The following CA5B variants were observed in gnomAD, a reference collection of about 807,000 sequenced individuals.
CA5B encodes carbonic anhydrase 5B, mitochondrial.
In CA5B, 15 loss-of-function variants were observed where a neutral mutation model predicts 23.1. The ratio of observed to expected loss-of-function variants is 0.65; its 90% CI spans 0.43 to 1.00. The LOEUF (loss-of-function observed/expected upper bound fraction) is 1.00, where lower values mean the gene tolerates loss of function less well. CA5B is among the 50% of genes least tolerant of loss of function. CA5B has a pLI of 0.00. For missense variants in CA5B, 236 were observed against 252.2 expected, an observed-to-expected ratio of 0.94 and a Z score of 0.43; for synonymous variants, 84 against 98.5, an observed-to-expected ratio of 0.85 and a Z score of 0.87.
intron 3 of CA5B, among the ~76,000 whole-genome samples, chrX:15,769,257 A>G (rs1363921185): frequency 1.8e-5 from 2 of 111,887 alleles, no homozygotes; most frequent in Non-Finnish European, 3.8e-5. Flanking sequence ...AGAGAGGACA[A>G]CATGACCTAC....
chrX:15,743,267 G>A (rs1038705917), intron 1 of CA5B, among the ~76,000 whole-genome samples: 9 of 112,139 alleles, frequency 8.0e-5, no homozygotes, highest in African/African-American at 2.9e-4. Flanking sequence ...TCTTCTCAGC[G>A]AGGCCTCCTG....
At chrX:15,753,235 C>G (rs751161034) in intron 2 of CA5B, among the ~76,000 whole-genome samples, 3 of 112,547 alleles carry the variant, frequency 2.7e-5, no homozygotes, top group African/African-American at 9.7e-5. Flanking sequence ...TTCGACAACA[C>G]TTGGTTTGGC....
chrX:15,740,296 T>C (rs1266024110), intron 1 of CA5B, among the ~76,000 whole-genome samples: 2 of 112,467 alleles, frequency 1.8e-5, no homozygotes, highest in Non-Finnish European at 3.8e-5. Flanking sequence ...ATGGTATTAG[T>C]TGATATGTGC....
At chrX:15,775,626 G>T (rs5936048) in intron 6 of CA5B, 279,527 of 794,873 alleles carry the variant, frequency 0.35, 35,000 homozygotes, top group Admixed American at 0.44. Context: ...TTCTGTAGCT[G>T]CCATCCCACA....
chrX:15,767,687 C>T (rs1384755027), intron 3 of CA5B, among the ~76,000 whole-genome samples: 1 of 109,988 alleles, frequency 9.1e-6, no homozygotes, highest in Admixed American at 9.8e-5. Flanking sequence ...CTCCCGGGCT[C>T]AAGTGATTCT....
intron 2 of CA5B, chrX:15,763,103 A>G (rs138071525): frequency 0.022 from 4,396 of 200,038 alleles, 194 homozygotes; most frequent in African/African-American, 0.12. Flanking sequence ...TGTTCTACCC[A>G]GGTTTTGCAG....
chrX:15,768,560 A>G (rs1336791680), intron 3 of CA5B: 3 of 111,612 alleles, frequency 2.7e-5, no homozygotes, highest in African/African-American at 9.8e-5. Context: ...ATGCTTTAAT[A>G]ATTATTTTCT....
intron 3 of CA5B, chrX:15,769,543 TTCCTGCTCCA>T (rs1931778643): frequency 6.7e-6 from 5 of 751,166 alleles, no homozygotes; most frequent in Non-Finnish European, 7.8e-6. Context: ...CTCAGGGTGC[TTCCTGCTCCA>T]TCCTGCTTCC....
rs1932120229 is a variant in CA5B at position 15,786,480 on chromosome X, C to T, written c.*3816C>T. 1 of 110,474 alleles carries T rather than the reference C, an allele frequency of 9.1e-6. No homozygotes were observed. Among genetic ancestry groups the T allele is most frequent in the Non-Finnish European group, 1.9e-5 (1 of 52,892 alleles). 9.1% of individuals were successfully genotyped at this position (110,474 alleles called of 1,213,427 possible). Reference sequence around the variant, plus strand: ...AACAAGAAGCTTGTGTTTTTTATGCCCTCAAAAGTGTTTTACTTATACTTT... The same window carrying T: ...AACAAGAAGCTTGTGTTTTTTATGCTCTCAAAAGTGTTTTACTTATACTTT... On this transcript the variant is annotated 3_prime_UTR_variant, in exon 8 of 8. Coordinates refer to ENST00000318636, the MANE Select transcript of CA5B (RefSeq NM_007220.4).
At chrX:15,780,081 C>T (rs4240158) in intron 7 of CA5B, among the ~76,000 whole-genome samples, 29,487 of 110,616 alleles carry the variant, frequency 0.27, 3,489 homozygotes, top group East Asian at 0.42. Flanking sequence ...TACCTGTCAT[C>T]TATAATATTA....
chrX:15,772,672 C>A (rs1931844442), intron 4 of CA5B, 58 bp downstream of exon 4: 4 of 658,268 alleles, frequency 6.1e-6, no homozygotes, highest in African/African-American at 2.2e-5. Flanking sequence ...TAATTCTGAA[C>A]TTTTAGTTGT....
intron 1 of CA5B, among the ~76,000 whole-genome samples, chrX:15,748,044 C>G (rs2147254347): frequency 9.0e-6 from 1 of 111,673 alleles, no homozygotes; most frequent in East Asian, 2.8e-4. Context: ...ATAGGGGCCA[C>G]AGATTGGTTC....
At chrX:15,765,613 T>A (rs1227282035) in intron 3 of CA5B, among the ~76,000 whole-genome samples, 1 of 110,210 alleles carries the variant, frequency 9.1e-6, no homozygotes, top group Non-Finnish European at 1.9e-5. Flanking sequence ...CTGCCAACTT[T>A]CCCCCATACC....
chrX:15,755,625 C>T (rs917467704), intron 2 of CA5B, among the ~76,000 whole-genome samples: 1 of 112,180 alleles, frequency 8.9e-6, no homozygotes, highest in Non-Finnish European at 1.9e-5. Context: ...CAAATATGAG[C>T]CGTATGGGTC....
At chrX:15,747,156 G>A (rs781158873) in intron 1 of CA5B, among the ~76,000 whole-genome samples, 18 of 111,902 alleles carry the variant, frequency 1.6e-4, no homozygotes, top group Admixed American at 2.9e-4. Context: ...ACAGCCTAAA[G>A]GTTAGAAGCA....
intron 2 of CA5B, among the ~76,000 whole-genome samples, chrX:15,753,273 G>T (rs1393309379): frequency 9.8e-5 from 11 of 112,567 alleles, no homozygotes; most frequent in Non-Finnish European, 1.3e-4. Context: ...CTCTAAGCAG[G>T]GGCTTACAGG....
intron 7 of CA5B, among the ~76,000 whole-genome samples, chrX:15,778,144 G>A (rs1381435468): frequency 4.5e-5 from 5 of 111,364 alleles, no homozygotes; most frequent in Non-Finnish European, 9.4e-5. Context: ...AAAATACTTC[G>A]GAATAATTTT....
chrX:15,777,167 A>G (rs1223065852), intron 7 of CA5B, among the ~76,000 whole-genome samples: 3 of 111,748 alleles, frequency 2.7e-5, no homozygotes, highest in Non-Finnish European at 5.6e-5. Flanking sequence ...CAAAATCAAG[A>G]CCCTTTTAAA....
At chrX:15,750,962 C>T (rs766533812) in intron 2 of CA5B, among the ~76,000 whole-genome samples, 2 of 111,569 alleles carry the variant, frequency 1.8e-5, no homozygotes, top group Non-Finnish European at 3.8e-5. Flanking sequence ...CTAGTAGCAC[C>T]CTCATGAAGC....
Sources: gnomAD v4.1 joint callset for allele counts (sites outside exome capture counted in the v4.1 genomes callset) on GRCh38, gnomAD v4.1.1 for gene constraint, MANE v1.5 for transcripts, NCBI Gene and HGNC (gene_info 2026-07-23, HGNC 2026-07-21) for gene names.